ERBB4: variants seen among roughly 807,000 people sequenced by gnomAD.
ERBB4 encodes the protein receptor tyrosine-protein kinase erbB-4.
In ERBB4, 42 loss-of-function variants were observed where a neutral mutation model predicts 158.0. That is an observed-to-expected ratio of 0.27 (90% CI 0.21 to 0.34). ERBB4 has a LOEUF of 0.34. ERBB4 is among the 10% of genes least tolerant of loss of function. The probability of loss-of-function intolerance (pLI) is 1.00; values close to 1 mark genes in which losing one functional copy is unlikely to be tolerated. For missense variants in ERBB4, 1,333 were observed against 1,624.1 expected, an observed-to-expected ratio of 0.82 and a Z score of 3.08; for synonymous variants, 583 against 558.7, an observed-to-expected ratio of 1.04 and a Z score of -0.61.
intron 20 of ERBB4, among the ~76,000 whole-genome samples, chr2:211,477,247 T>A (rs1353398585): frequency 6.6e-6 from 1 of 152,094 alleles, no homozygotes; most frequent in Non-Finnish European, 1.5e-5. Flanking sequence ...CCCTACCCTG[T>A]GATTTTAGAT....
intron 1 of ERBB4, among the ~76,000 whole-genome samples, chr2:212,321,626 C>A (rs7559911): frequency 0.12 from 18,164 of 150,380 alleles, 2,377 homozygotes; most frequent in African/African-American, 0.29. Flanking sequence ...GTGTTCAAGG[C>A]TGCAATAAAC....
At chr2:211,420,820 C>G (rs2063498891) in intron 24 of ERBB4, among the ~76,000 whole-genome samples, 1 of 151,848 alleles carries the variant, frequency 6.6e-6, no homozygotes, top group Non-Finnish European at 1.5e-5. Flanking sequence ...AAACTTTATA[C>G]AAGGAGAATA....
chr2:212,033,571 A>G (rs1194687443), intron 2 of ERBB4, among the ~76,000 whole-genome samples: 3 of 151,914 alleles, frequency 2.0e-5, no homozygotes, highest in Non-Finnish European at 4.4e-5. Context: ...TTTATAAAGT[A>G]ACTGTATTTT....
intron 4 of ERBB4, chr2:211,777,866 T>G (rs905780124): frequency 6.6e-6 from 1 of 152,176 alleles, no homozygotes; most frequent in Non-Finnish European, 1.5e-5. Context: ...AACTTAGAAA[T>G]TTAGTTTAAA....
At chr2:211,472,856 A>C (rs2064861919) in intron 20 of ERBB4, among the ~76,000 whole-genome samples, 1 of 151,906 alleles carries the variant, frequency 6.6e-6, no homozygotes, top group South Asian at 2.1e-4. Context: ...CTGGTTCAGT[A>C]GGTATAGGGT....
intron 20 of ERBB4, among the ~76,000 whole-genome samples, chr2:211,435,486 A>G (rs951731088): frequency 5.3e-5 from 8 of 152,192 alleles, no homozygotes; most frequent in Admixed American, 5.2e-4. Context: ...AGGGATCCCC[A>G]ACCCCTGGGC....
chr2:212,165,463 G>C (rs7594859), intron 1 of ERBB4, among the ~76,000 whole-genome samples: 92,596 of 151,696 alleles, frequency 0.61, 29,393 homozygotes, highest in African/African-American at 0.68. Flanking sequence ...ATACCCCAAA[G>C]GATAAATAGT....
At chr2:211,973,656 T>A (rs777023012) in intron 2 of ERBB4, among the ~76,000 whole-genome samples, 130 of 152,200 alleles carry the variant, frequency 8.5e-4, no homozygotes, top group African/African-American at 3.1e-3. Flanking sequence ...GTTCAGCCAT[T>A]GTGGAAGACA....
chr2:212,438,029 G>A (rs2092175219), intron 1 of ERBB4, among the ~76,000 whole-genome samples: 1 of 151,982 alleles, frequency 6.6e-6, no homozygotes, highest in South Asian at 2.1e-4. Flanking sequence ...ATGTGTATCT[G>A]TTCGCACATG....
intron 2 of ERBB4, among the ~76,000 whole-genome samples, chr2:211,985,302 A>G (rs1453563726): frequency 6.6e-6 from 1 of 152,198 alleles, no homozygotes; most frequent in Non-Finnish European, 1.5e-5. Context: ...GAGGAAGGGA[A>G]GGAATGAAAA....
chr2:211,829,981 C>T (rs1399060438), intron 3 of ERBB4, among the ~76,000 whole-genome samples: 1 of 152,150 alleles, frequency 6.6e-6, no homozygotes, highest in Non-Finnish European at 1.5e-5. Flanking sequence ...ATATAACCCC[C>T]ATCCCCCTGG....
intron 1 of ERBB4, among the ~76,000 whole-genome samples, chr2:212,230,225 C>A: frequency 6.6e-6 from 1 of 151,854 alleles, no homozygotes; most frequent in East Asian, 1.9e-4. Flanking sequence ...GTGGAGGTTG[C>A]AGTGAGCTGA....
chr2:212,528,732 T>A (rs556824058), intron 1 of ERBB4, among the ~76,000 whole-genome samples: 1 of 152,282 alleles, frequency 6.6e-6, no homozygotes, highest in East Asian at 1.9e-4. Flanking sequence ...GCATTTTCCC[T>A]GGTAGACTCT....
At chr2:211,949,466 A>C (rs1340052426) in intron 2 of ERBB4, among the ~76,000 whole-genome samples, 2 of 152,220 alleles carry the variant, frequency 1.3e-5, no homozygotes, top group African/African-American at 4.8e-5. Context: ...TGGATTTTGA[A>C]GATTATATGA....
At chr2:211,852,758 G>T (rs932155391) in intron 3 of ERBB4, among the ~76,000 whole-genome samples, 2 of 150,116 alleles carry the variant, frequency 1.3e-5, no homozygotes, top group Admixed American at 6.7e-5. Context: ...TGTGGGAAAA[G>T]AAGATGTTTC....
intron 20 of ERBB4, among the ~76,000 whole-genome samples, chr2:211,519,790 A>G (rs1017283880): frequency 6.6e-6 from 1 of 152,176 alleles, no homozygotes; most frequent in African/African-American, 2.4e-5. Flanking sequence ...AAATATTTTT[A>G]TATGTATCAA....
intron 1 of ERBB4, among the ~76,000 whole-genome samples, chr2:212,522,742 G>A (rs939841999): frequency 1.1e-4 from 17 of 151,998 alleles, no homozygotes; most frequent in Non-Finnish European, 2.4e-4. Flanking sequence ...CAAATTGATT[G>A]TTAGAATATC....
intron 16 of ERBB4, among the ~76,000 whole-genome samples, chr2:211,643,858 G>C (rs1456677987): frequency 6.6e-6 from 1 of 151,992 alleles, no homozygotes; most frequent in Non-Finnish European, 1.5e-5. Flanking sequence ...AATTATATGT[G>C]CTGTAATAGA....
intron 1 of ERBB4, among the ~76,000 whole-genome samples, chr2:212,365,699 C>A (rs2089863399): frequency 1.3e-5 from 2 of 151,864 alleles, no homozygotes; most frequent in South Asian, 2.1e-4. Context: ...TGATATATAA[C>A]CTGATATCCT....
Sources: gnomAD v4.1 joint callset for allele counts (sites outside exome capture counted in the v4.1 genomes callset) on GRCh38, gnomAD v4.1.1 for gene constraint, MANE v1.5 for transcripts, NCBI Gene and HGNC (gene_info 2026-07-23, HGNC 2026-07-21) for gene names.